Variants in ASTN1 observed in about 807,000 individuals in gnomAD.
ASTN1 encodes astrotactin 1.
A neutral mutation model predicts 140.7 loss-of-function variants in ASTN1; 41 were observed. The ratio of observed to expected loss-of-function variants is 0.29; its 90% CI spans 0.23 to 0.38. The LOEUF is 0.38. Ranked by LOEUF, ASTN1 falls within the 10% of genes least tolerant of loss-of-function variation. The pLI is 1.00. For missense variants in ASTN1, 1,479 were observed against 1,678.8 expected, an observed-to-expected ratio of 0.88 and a Z score of 2.08; for synonymous variants, 640 against 652.2, an observed-to-expected ratio of 0.98 and a Z score of 0.29.
chr1:177,050,136 G>C (rs565154873), intron 2 of ASTN1, among the ~76,000 whole-genome samples: 1 of 152,242 alleles, frequency 6.6e-6, no homozygotes, highest in Non-Finnish European at 1.5e-5. Context: ...CAAATCCCAA[G>C]GGCCTATATA....
chr1:176,935,747 T>TTC (rs1057057802), intron 15 of ASTN1, among the ~76,000 whole-genome samples: 1 of 151,714 alleles, frequency 6.6e-6, no homozygotes, highest in South Asian at 2.1e-4. Flanking sequence ...TAATATCTAT[T>TTC]TCTCTCTCTC....
At chr1:177,143,060 T>A (rs932480193) in intron 1 of ASTN1, among the ~76,000 whole-genome samples, 3 of 152,168 alleles carry the variant, frequency 2.0e-5, no homozygotes, top group Non-Finnish European at 4.4e-5. Context: ...ACAGCCCTCA[T>A]GGCCATCTCA....
At chr1:177,047,500 G>C (rs1374982893) in intron 2 of ASTN1, among the ~76,000 whole-genome samples, 6 of 152,140 alleles carry the variant, frequency 3.9e-5, no homozygotes, top group Non-Finnish European at 8.8e-5. Flanking sequence ...CCTACTCAAG[G>C]TTTTCCACTA....
intron 8 of ASTN1, among the ~76,000 whole-genome samples, chr1:176,993,463 T>A (rs1253983374): frequency 6.6e-6 from 1 of 151,900 alleles, no homozygotes; most frequent in Non-Finnish European, 1.5e-5. Context: ...GGAATAGGAG[T>A]TAGAGTCAAA....
At chr1:177,159,214 T>C (rs1683377466) in intron 1 of ASTN1, among the ~76,000 whole-genome samples, 1 of 152,144 alleles carries the variant, frequency 6.6e-6, no homozygotes, top group Non-Finnish European at 1.5e-5. Context: ...GTTGTAAAAA[T>C]CTAAATTTCT....
At chr1:177,155,944 C>T (rs1683216452) in intron 1 of ASTN1, among the ~76,000 whole-genome samples, 2 of 152,052 alleles carry the variant, frequency 1.3e-5, no homozygotes, top group African/African-American at 4.8e-5. Context: ...ACTTAGTTCC[C>T]GGATCTTGGT....
chr1:177,015,417 G>A (rs891510049), intron 7 of ASTN1, among the ~76,000 whole-genome samples: 5 of 152,164 alleles, frequency 3.3e-5, no homozygotes, highest in African/African-American at 1.2e-4. Context: ...TCTGACTCCA[G>A]ACCTTTTTCT....
chr1:177,111,003 A>G (rs1323947387), intron 1 of ASTN1, among the ~76,000 whole-genome samples: 1 of 152,214 alleles, frequency 6.6e-6, no homozygotes, highest in African/African-American at 2.4e-5. Context: ...GTGAAATTCT[A>G]TGTAACCCTC....
chr1:176,943,032 G>A (rs1671807107), intron 14 of ASTN1, among the ~76,000 whole-genome samples: 1 of 150,990 alleles, frequency 6.6e-6, no homozygotes, highest in Non-Finnish European at 1.5e-5. Flanking sequence ...GACTTTCTGG[G>A]TCTACAAAGG....
intron 1 of ASTN1, among the ~76,000 whole-genome samples, chr1:177,109,820 C>T (rs1028717228): frequency 6.6e-6 from 1 of 152,180 alleles, no homozygotes; most frequent in Non-Finnish European, 1.5e-5. Context: ...AATAGAGAAT[C>T]ACAATTCTCT....
intron 5 of ASTN1, among the ~76,000 whole-genome samples, chr1:177,025,706 T>C (rs761621203): frequency 6.6e-6 from 1 of 152,262 alleles, no homozygotes; most frequent in Non-Finnish European, 1.5e-5. Context: ...TTTTTAATAT[T>C]TGCTTTCTTA....
At chr1:176,912,460 T>G (rs1670288622) in intron 16 of ASTN1, among the ~76,000 whole-genome samples, 1 of 152,218 alleles carries the variant, frequency 6.6e-6, no homozygotes, top group South Asian at 2.1e-4. Flanking sequence ...CATTCTTAGC[T>G]TGAGGGCCAT....
At chr1:177,154,285 C>T (rs376520798) in intron 1 of ASTN1, among the ~76,000 whole-genome samples, 1 of 152,174 alleles carries the variant, frequency 6.6e-6, no homozygotes, top group East Asian at 1.9e-4. Context: ...CCAATAAACC[C>T]TTCTGCAATA....
At chr1:177,122,763 A>C (rs951571754) in intron 1 of ASTN1, among the ~76,000 whole-genome samples, 2 of 152,224 alleles carry the variant, frequency 1.3e-5, no homozygotes, top group Non-Finnish European at 2.9e-5. Flanking sequence ...GAGAGGTGAC[A>C]GGAATTATCC....
intron 2 of ASTN1, among the ~76,000 whole-genome samples, chr1:177,033,374 A>G (rs1415645680): frequency 6.6e-6 from 1 of 152,174 alleles, no homozygotes; most frequent in Non-Finnish European, 1.5e-5. Flanking sequence ...CGTCATCTGT[A>G]TAATGGAGAA....
intron 16 of ASTN1, among the ~76,000 whole-genome samples, chr1:176,901,596 G>C (rs1669768702): frequency 6.6e-6 from 1 of 152,132 alleles, no homozygotes; most frequent in African/African-American, 2.4e-5. Flanking sequence ...AAAGGCAGTG[G>C]CTGTGGTAGC....
chr1:176,966,807 C>A (rs889342286), intron 8 of ASTN1, among the ~76,000 whole-genome samples: 1 of 151,522 alleles, frequency 6.6e-6, no homozygotes, highest in African/African-American at 2.4e-5. Context: ...TTGTAATTAG[C>A]ATAGGAAGAT....
chr1:176,883,928 C>G (rs1218946460), intron 19 of ASTN1, among the ~76,000 whole-genome samples: 1 of 152,120 alleles, frequency 6.6e-6, no homozygotes. Flanking sequence ...ATGCTTTTGC[C>G]TGGAAGGGGG....
rs550362381 is a variant in ASTN1, at chr1:176,927,375, A to G, written c.2671+6777T>C. Among the ~76,000 whole-genome samples the G allele has an allele frequency of 3.0e-4, 45 of 152,324 alleles. 1 individual carries two copies. The highest frequency in any genetic ancestry group is 1.2e-3 in the Admixed American group (19 of 15,300). On this transcript the variant is annotated intron_variant, in intron 16 of 22. Coordinates refer to ENST00000361833, the MANE Select transcript of ASTN1 (RefSeq NM_004319.3). ...AAAGGCGTTGGCAAAGGTCAGATCT[A>G]AAGCAACAATGAAAGTGATATTGGA...
Sources: allele counts gnomAD v4.1 joint callset (sites outside exome capture counted in the v4.1 genomes callset), GRCh38; gene constraint gnomAD v4.1.1; transcripts MANE v1.5; gene names NCBI Gene and HGNC (gene_info 2026-07-23, HGNC 2026-07-21).